AFMID: variants seen among roughly 807,000 people sequenced by gnomAD.
AFMID encodes arylformamidase.
A neutral mutation model predicts 47.5 loss-of-function variants in AFMID; 39 were observed. The ratio of observed to expected loss-of-function variants is 0.82; its 90% CI spans 0.64 to 1.07. The LOEUF is 1.07. Ranked by LOEUF, AFMID falls within the 50% of genes least tolerant of loss-of-function variation. The pLI is 0.00. For missense variants in AFMID, 375 were observed against 387.5 expected (o/e 0.97, Z 0.27); for synonymous variants, 130 against 153.2 (o/e 0.85, Z 1.12).
intron 2 of AFMID, chr17:78,197,251 C>T: frequency 6.5e-7 from 1 of 1,535,006 alleles, no homozygotes; most frequent in Non-Finnish European, 8.8e-7. Flanking sequence ...GGGTTGTTGG[C>T]AAACCCCCAT....
At chr17:78,203,055 CTTTTTTTT>C (rs56016227) in intron 4 of AFMID, 50 of 111,118 alleles carry the variant, frequency 4.5e-4, no homozygotes, top group South Asian at 1.7e-3. Flanking sequence ...CTTCCTCTCT[CTTTTTTTT>C]TTTTTTTTTT....
Position 78,190,130 on chromosome 17 carries a change from G to GT in AFMID, c.64-829dup, listed in dbSNP as rs1013780789. On this transcript the variant is annotated intron_variant, in intron 1 of 10. Coordinates refer to ENST00000409257, the MANE Select transcript of AFMID (RefSeq NM_001010982.5). The stretch of plus-strand genomic sequence containing the variant: ...GCGTGAGCCACCGCGCCCAGCCTCT[G>GT]TTTTTTTTTTTCTTTTTTTAATTCT... 2.0e-3 allele frequency among the ~76,000 whole-genome samples: 293 copies of GT among 145,280 alleles called. 1 individual carries two copies. The highest frequency in any genetic ancestry group is 0.011 in the Middle Eastern group (3 of 280).
In AFMID at chr17:78,191,327, A is replaced by C. The variant is rs552982176; in HGVS notation, c.154+267A>C. Among the ~76,000 whole-genome samples the C allele has an allele frequency of 5.4e-4, 82 of 152,240 alleles. 1 individual carries two copies. In the South Asian group the frequency reaches 0.017, roughly 31 times the overall value. Reference sequence around the variant, plus strand: ...CTTTCTTGCTCAGCCATCCATACCCAGGCCCGTAAGGCTGCGGGCTGTGGT... The same window carrying C: ...CTTTCTTGCTCAGCCATCCATACCCCGGCCCGTAAGGCTGCGGGCTGTGGT... On this transcript the variant is annotated intron_variant, in intron 2 of 10. Coordinates refer to ENST00000409257, the MANE Select transcript of AFMID (RefSeq NM_001010982.5).
intron 2 of AFMID, among the ~76,000 whole-genome samples, 185 bp downstream of exon 2, chr17:78,191,245 C>G (rs1329117526): frequency 6.6e-6 from 1 of 152,166 alleles, no homozygotes; most frequent in Non-Finnish European, 1.5e-5. Flanking sequence ...GCTGCAGGGA[C>G]TACTGGAGGC....
intron 4 of AFMID, among the ~76,000 whole-genome samples, chr17:78,204,292 A>G (rs1306758191): frequency 6.6e-6 from 1 of 152,020 alleles, no homozygotes; most frequent in Admixed American, 6.6e-5. Context: ...AAGAAAAGAT[A>G]AATTTGCTGG....
chr17:78,205,588 C>A lies in AFMID; in HGVS notation c.645-15C>A. On this transcript the variant is annotated splice_polypyrimidine_tract_variant and intron_variant, in intron 8 of 10. Transcript: ENST00000409257. ...GCTCCTCTCTGTCCTGACCCCTGTC[C>A]ACTCCCCACCCCAGGGAGGACGCTC... 1 of 1,613,996 alleles carries A rather than the reference C, an allele frequency of 6.2e-7. No homozygotes were observed. Among genetic ancestry groups the A allele is most frequent in the Non-Finnish European group, 8.5e-7 (1 of 1,179,924 alleles).
intron 2 of AFMID, among the ~76,000 whole-genome samples, chr17:78,201,235 A>G (rs1029213401): frequency 6.8e-6 from 1 of 147,548 alleles, no homozygotes; most frequent in African/African-American, 2.5e-5. Context: ...CAGAAGTTGC[A>G]GTGAGCCAAG....
chr17:78,206,085 G>A, intron 10 of AFMID, 35 bp downstream of exon 10: 1 of 1,579,134 alleles, frequency 6.3e-7, no homozygotes, highest in Non-Finnish European at 8.7e-7. Context: ...TTTCATGGTA[G>A]ACAGCACAGG....
intron 3 of AFMID, 29 bp from the exon 4 acceptor site, chr17:78,202,674 G>A (rs773521595): frequency 5.7e-6 from 9 of 1,565,470 alleles, no homozygotes; most frequent in African/African-American, 2.7e-5. Flanking sequence ...GGCGGGCCTT[G>A]CTCACACGCC....
intron 1 of AFMID, among the ~76,000 whole-genome samples, chr17:78,189,546 A>G (rs758514178): frequency 1.0e-4 from 14 of 140,608 alleles, no homozygotes; most frequent in Non-Finnish European, 2.0e-4. Flanking sequence ...TTTTTGAAAC[A>G]GGGTTTTGCT....
intron 2 of AFMID, among the ~76,000 whole-genome samples, chr17:78,201,474 C>G (rs1406629073): frequency 6.6e-6 from 1 of 151,900 alleles, no homozygotes; most frequent in African/African-American, 2.4e-5. Flanking sequence ...CAAAAATTAG[C>G]CAGGTGTGGT....
intron 7 of AFMID, 111 bp from the exon 8 acceptor site, chr17:78,205,329 T>C (rs778816407): frequency 6.9e-6 from 10 of 1,443,352 alleles, no homozygotes; most frequent in Non-Finnish European, 8.7e-6. Flanking sequence ...AGGCCTTCTC[T>C]GCCTCCTCTG....
At chr17:78,190,516 C>A (rs1028147277) in intron 1 of AFMID, among the ~76,000 whole-genome samples, 1 of 152,234 alleles carries the variant, frequency 6.6e-6, no homozygotes, top group African/African-American at 2.4e-5. Context: ...GCCTCAGCCT[C>A]CCAAGTAGCT....
rs2076267788 is a variant in AFMID at position 78,202,411 on chromosome 17, A to G, written c.155-88A>G. ...GCCACTGCACTCCAGCTTGGGCAAC[A>G]GAGTGAGACTTCGTCTCAAAAAAAA... On this transcript the variant is annotated intron_variant, in intron 2 of 10. Transcript: ENST00000409257. 6.8e-6 allele frequency: 9 copies of G among 1,324,312 alleles called. No individual in the cohort carries two copies. The South Asian group carries it at 9.7e-5, about 14-fold the overall frequency. The allele number at this position is 1,324,312 out of a possible 1,614,324, so 82.0% of individuals were successfully genotyped here.
At chr17:78,205,803 C>A (rs1478249074) in intron 9 of AFMID, 65 bp downstream of exon 9, 1 of 1,600,950 alleles carries the variant, frequency 6.2e-7, no homozygotes, top group Admixed American at 1.7e-5. Flanking sequence ...TTTCCTCTTT[C>A]TTTTACCCAA....
At chr17:78,195,179 G>C (rs1279603577) in intron 2 of AFMID, among the ~76,000 whole-genome samples, 5 of 149,098 alleles carry the variant, frequency 3.4e-5, no homozygotes, top group Admixed American at 6.8e-5. Flanking sequence ...TGTTTAAAGG[G>C]GACAGTTTCT....
intron 1 of AFMID, among the ~76,000 whole-genome samples, chr17:78,187,775 A>C (rs551128976): frequency 6.6e-6 from 1 of 152,070 alleles, no homozygotes; most frequent in South Asian, 2.1e-4. Context: ...AACATGGTGA[A>C]ACCCCGTTTC....
intron 2 of AFMID, among the ~76,000 whole-genome samples, chr17:78,192,311 T>A (rs1340283671): frequency 3.1e-5 from 2 of 63,884 alleles, no homozygotes; most frequent in South Asian, 1.3e-3. Context: ...ATGGCTGGAC[T>A]TTTTTTTTTT....
intron 2 of AFMID, among the ~76,000 whole-genome samples, chr17:78,199,353 C>T (rs956139136): frequency 4.6e-5 from 7 of 151,690 alleles, no homozygotes; most frequent in Non-Finnish European, 4.4e-5. Context: ...ATCACCCACC[C>T]GAGGGAAGCA....
Sources: allele counts gnomAD v4.1 joint callset (sites outside exome capture counted in the v4.1 genomes callset), GRCh38; gene constraint gnomAD v4.1.1; transcripts MANE v1.5; gene names NCBI Gene and HGNC (gene_info 2026-07-23, HGNC 2026-07-21).